The following HCK variants were observed in gnomAD, a reference collection of about 807,000 sequenced individuals.
The protein encoded by HCK is HCK proto-oncogene, Src family tyrosine kinase.
Under a neutral mutation model 70.4 loss-of-function variants are expected in HCK, and 40 were observed. The ratio of observed to expected loss-of-function variants is 0.57; its 90% confidence interval spans 0.44 to 0.74. The LOEUF (loss-of-function observed/expected upper bound fraction) is 0.74. Ranked by LOEUF, HCK falls within the 30% of genes least tolerant of loss-of-function variation. HCK has a pLI of 0.00. For missense variants in HCK, 568 were observed against 697.2 expected (o/e 0.81, Z 2.09); for synonymous variants, 245 against 263.2 (o/e 0.93, Z 0.67).
At chr20:32,083,687 A>T (rs774742110) in intron 6 of HCK, among the ~76,000 whole-genome samples, 1 of 152,236 alleles carries the variant, frequency 6.6e-6, no homozygotes, top group East Asian at 1.9e-4. Context: ...TGACATAGTC[A>T]CATGGCCAAG....
rs181819688 is a variant in HCK at position 32,052,925 on chromosome 20, G to C, written c.62+439G>C. Among the ~76,000 whole-genome samples, 22 of 152,218 alleles carry C rather than the reference G, an allele frequency of 1.4e-4. No individual in the cohort carries two copies. In the East Asian group the frequency reaches 2.3e-3, roughly 16 times the overall value. ...CGGGTTGGCAGCCAGCTTGGGGAAGGGGGTAGTTGGGCGGAGGCGTGACGT... is the reference window on the plus strand; with the variant it reads ...CGGGTTGGCAGCCAGCTTGGGGAAGCGGGTAGTTGGGCGGAGGCGTGACGT... On this transcript the variant is annotated intron_variant, in intron 1 of 12. Transcript: ENST00000375852.
At chr20:32,093,700 G>A (rs1022278090) in intron 10 of HCK, among the ~76,000 whole-genome samples, 163 bp from the exon 11 acceptor site, 10 of 152,242 alleles carry the variant, frequency 6.6e-5, no homozygotes, top group African/African-American at 2.4e-4. Flanking sequence ...TGGGTTGATG[G>A]AGGAATGCCA....
At position 32,052,804 on chromosome 20, in the gene HCK, T is replaced by TGGGG. The variant is rs1555873133; in HGVS notation, c.62+318_62+319insGGGG. Among the ~76,000 whole-genome samples, 33 of 121,776 alleles carry TGGGG rather than the reference T, an allele frequency of 2.7e-4. 1 individual carries two copies. The highest frequency in any genetic ancestry group is 8.9e-4 in the South Asian group (4 of 4,484). The allele number at this position is 121,776 out of a possible 152,430, so 79.9% of individuals were successfully genotyped here. On this transcript the variant is annotated intron_variant, in intron 1 of 12. Transcript: ENST00000375852. The stretch of plus-strand genomic sequence containing the variant: ...TCTTGGGGGGGGGCGGGGATTTTTT[T>TGGGG]TTTAATTTAAAAAAGAAAAAGAAGG...
chr20:32,085,102 A>G (rs1441685679), intron 8 of HCK, among the ~76,000 whole-genome samples: 1 of 152,232 alleles, frequency 6.6e-6, no homozygotes, highest in African/African-American at 2.4e-5. Context: ...CTGTGTTAAT[A>G]CGTTCCAAAT....
intron 12 of HCK, 27 bp from the exon 13 acceptor site, chr20:32,101,290 G>T: frequency 6.2e-7 from 1 of 1,608,736 alleles, no homozygotes; most frequent in Non-Finnish European, 8.5e-7. Context: ...AACTGCTTCC[G>T]TTTCTAATTC....
At chr20:32,058,037 C>A (rs780272384) in intron 1 of HCK, among the ~76,000 whole-genome samples, 2 of 152,298 alleles carry the variant, frequency 1.3e-5, no homozygotes. Context: ...AGGCATCACC[C>A]TGAAATCCTT....
chr20:32,064,778 C>G (rs1371072932), intron 1 of HCK, among the ~76,000 whole-genome samples: 1 of 152,208 alleles, frequency 6.6e-6, no homozygotes, highest in African/African-American at 2.4e-5. Flanking sequence ...CCACAGCCAG[C>G]ATGGTAACCC....
intron 2 of HCK, among the ~76,000 whole-genome samples, 158 bp from the exon 3 acceptor site, chr20:32,073,161 C>T (rs535499281): frequency 6.6e-6 from 1 of 152,332 alleles, no homozygotes; most frequent in South Asian, 2.1e-4. Flanking sequence ...CCTAATGTGC[C>T]GTGTGGTGCC....
intron 9 of HCK, 39 bp from the exon 10 acceptor site, chr20:32,088,529 G>C (rs1441708141): frequency 6.6e-7 from 1 of 1,521,436 alleles, no homozygotes; most frequent in Non-Finnish European, 9.0e-7. Context: ...CCATTAAATA[G>C]TAAAAGTAGT....
intron 5 of HCK, among the ~76,000 whole-genome samples, chr20:32,078,027 T>G (rs975442817): frequency 4.0e-5 from 6 of 150,820 alleles, no homozygotes; most frequent in Non-Finnish European, 5.9e-5. Context: ...AGTTGGTTTT[T>G]TTTGTTTGTT....
At chr20:32,085,407 G>C (rs539483292) in intron 8 of HCK, among the ~76,000 whole-genome samples, 1 of 152,036 alleles carries the variant, frequency 6.6e-6, no homozygotes, top group African/African-American at 2.4e-5. Flanking sequence ...CCACCTACTC[G>C]GGAGGCTAAG....
At chr20:32,091,113 A>G (rs1353426981) in intron 10 of HCK, among the ~76,000 whole-genome samples, 1 of 152,210 alleles carries the variant, frequency 6.6e-6, no homozygotes, top group Admixed American at 6.5e-5. Context: ...GAGTTGGTCC[A>G]GCTCCAGAGC....
chr20:32,052,915 C>T (rs997732868), intron 1 of HCK, among the ~76,000 whole-genome samples: 3 of 151,802 alleles, frequency 2.0e-5, no homozygotes, highest in Non-Finnish European at 4.4e-5. Context: ...TGGCAGCCAG[C>T]TTGGGGAAGG....
chr20:32,087,758 CAGCCTCCCAAGT>C (rs2045810010), intron 9 of HCK, among the ~76,000 whole-genome samples: 1 of 152,106 alleles, frequency 6.6e-6, no homozygotes, highest in Non-Finnish European at 1.5e-5. Context: ...TCTCCTGCCT[CAGCCTCCCAAGT>C]AGCTGGGACT....
In HCK at chr20:32,052,506, G is replaced by C; in HGVS notation, c.62+20G>C. On this transcript the variant is annotated intron_variant, in intron 1 of 12. Transcript: ENST00000375852. ...GCCCAGGTGAGTGCCGCGCACAGGGGACCGGGAATACCCGGCCCGCGAGGG... is the reference window on the plus strand; with the variant it reads ...GCCCAGGTGAGTGCCGCGCACAGGGCACCGGGAATACCCGGCCCGCGAGGG... 7.9e-7 allele frequency: 1 copy of C among 1,263,508 alleles called. No homozygotes were observed. The highest frequency in any genetic ancestry group is 1.0e-6 in the Non-Finnish European group (1 of 995,980). The allele number at this position is 1,263,508 out of a possible 1,614,324, so 78.3% of individuals were successfully genotyped here.
chr20:32,095,428 G>A (rs2045941438), intron 11 of HCK, among the ~76,000 whole-genome samples: 1 of 152,060 alleles, frequency 6.6e-6, no homozygotes, highest in African/African-American at 2.4e-5. Flanking sequence ...GCTAATTTTT[G>A]TATTTTTAGT....
At chr20:32,069,009 C>T (rs928822050) in intron 1 of HCK, among the ~76,000 whole-genome samples, 3 of 152,138 alleles carry the variant, frequency 2.0e-5, no homozygotes, top group Admixed American at 1.3e-4. Flanking sequence ...TTAAAAAAAG[C>T]GAACTTCTCC....
At chr20:32,063,504 C>T (rs1479032651) in intron 1 of HCK, among the ~76,000 whole-genome samples, 2 of 152,152 alleles carry the variant, frequency 1.3e-5, no homozygotes, top group Non-Finnish European at 2.9e-5. Context: ...CCACCTCAGC[C>T]TCCAAAAGTG....
At chr20:32,074,308 A>T (rs576850833) in intron 4 of HCK, among the ~76,000 whole-genome samples, 17 of 152,304 alleles carry the variant, frequency 1.1e-4, no homozygotes, top group African/African-American at 3.4e-4. Context: ...GAGTCTCTAT[A>T]GGCACAGGAC....
Sources: allele counts gnomAD v4.1 joint callset (sites outside exome capture counted in the v4.1 genomes callset), GRCh38; gene constraint gnomAD v4.1.1; transcripts MANE v1.5; gene names NCBI Gene and HGNC (gene_info 2026-07-23, HGNC 2026-07-21).